Variants in CTNNA3 observed in about 807,000 individuals in gnomAD.
The protein encoded by CTNNA3 is catenin alpha-3.
Under a neutral mutation model 95.7 loss-of-function variants are expected in CTNNA3, and 76 were observed. The ratio of observed to expected loss-of-function variants is 0.79; its 90% CI spans 0.66 to 0.96. The LOEUF (loss-of-function observed/expected upper bound fraction) is 0.96, where lower values mean the gene tolerates loss of function less well. Among genes scored for constraint, CTNNA3 ranks in the 40% least tolerant of loss-of-function variants. The probability of loss-of-function intolerance (pLI) is 0.00; values close to 1 mark genes in which losing one functional copy is unlikely to be tolerated. For missense variants in CTNNA3, 1,191 were observed against 1,089.8 expected, an observed-to-expected ratio of 1.09 and a Z score of -1.31; for synonymous variants, 431 against 374.4, an observed-to-expected ratio of 1.15 and a Z score of -1.74.
chr10:66,493,943 T>C (rs1003648423), intron 11 of CTNNA3, among the ~76,000 whole-genome samples: 1 of 117,212 alleles, frequency 8.5e-6, no homozygotes, highest in Non-Finnish European at 1.7e-5. Context: ...AGTCTTGCTG[T>C]GTCACCCAGG....
At chr10:66,021,828 G>A (rs1387306303) in intron 15 of CTNNA3, among the ~76,000 whole-genome samples, 7 of 124,522 alleles carry the variant, frequency 5.6e-5, no homozygotes, top group Non-Finnish European at 1.2e-4. Context: ...GAATAATCTG[G>A]AAATTCCATA....
At chr10:66,543,056 C>T (rs185890362) in intron 10 of CTNNA3, among the ~76,000 whole-genome samples, 1 of 151,968 alleles carries the variant, frequency 6.6e-6, no homozygotes, top group Admixed American at 6.6e-5. Context: ...TAGTAAATTA[C>T]CAAAATGTAT....
intron 1 of CTNNA3, among the ~76,000 whole-genome samples, chr10:67,744,857 C>A (rs1315801542): frequency 6.6e-6 from 1 of 152,056 alleles, no homozygotes; most frequent in Non-Finnish European, 1.5e-5. Flanking sequence ...TGAACATGAA[C>A]AGACATTTCT....
intron 7 of CTNNA3, among the ~76,000 whole-genome samples, chr10:67,034,050 G>T (rs1730803530): frequency 6.6e-6 from 1 of 152,186 alleles, no homozygotes; most frequent in South Asian, 2.1e-4. Context: ...GAGACTACAG[G>T]CGTGAGCCAC....
chr10:66,559,701 C>G (rs904547854), intron 10 of CTNNA3, among the ~76,000 whole-genome samples: 1 of 151,972 alleles, frequency 6.6e-6, no homozygotes, highest in Non-Finnish European at 1.5e-5. Context: ...ATGTTCTTTC[C>G]TCATTTACTG....
At chr10:67,650,346 G>A (rs2133489933) in intron 1 of CTNNA3, among the ~76,000 whole-genome samples, 1 of 152,204 alleles carries the variant, frequency 6.6e-6, no homozygotes, top group African/African-American at 2.4e-5. Context: ...GCTTAATAAA[G>A]GGGAAAAAGT....
At chr10:67,652,608 C>T (rs1260357118) in intron 1 of CTNNA3, among the ~76,000 whole-genome samples, 1 of 152,168 alleles carries the variant, frequency 6.6e-6, no homozygotes, top group Non-Finnish European at 1.5e-5. Context: ...ATTTCCCTCC[C>T]AGAGGCAACT....
chr10:67,283,614 A>T (rs1348591963), intron 5 of CTNNA3, among the ~76,000 whole-genome samples: 1 of 152,128 alleles, frequency 6.6e-6, no homozygotes, highest in Non-Finnish European at 1.5e-5. Flanking sequence ...AATGTATAAA[A>T]TCCTAAGTCA....
chr10:67,551,075 A>T (rs1441161314), intron 3 of CTNNA3, among the ~76,000 whole-genome samples: 1 of 152,004 alleles, frequency 6.6e-6, no homozygotes, highest in African/African-American at 2.4e-5. Context: ...TTGCACCCAA[A>T]TGTTGCATTT....
intron 7 of CTNNA3, among the ~76,000 whole-genome samples, chr10:67,179,618 C>T (rs1156890158): frequency 6.6e-6 from 1 of 151,986 alleles, no homozygotes; most frequent in Non-Finnish European, 1.5e-5. Flanking sequence ...CACTTGAGCC[C>T]AGTAGTTTGA....
Position 66,240,487 on chromosome 10 carries a change from A to T in CTNNA3, c.1884+39983T>A, listed in dbSNP as rs1359262904. On this transcript the variant is annotated intron_variant, in intron 13 of 17. Transcript: ENST00000433211. ...ATACCTACAGATCCCTGTAAGAAAC[A>T]AATAGCCTACTGGGTTACCAGATGC... Among the ~76,000 whole-genome samples the T allele has an allele frequency of 3.3e-5, 5 of 152,120 alleles. No individual in the cohort carries two copies. The South Asian group carries it at 1.0e-3, about 31-fold the overall frequency.
intron 5 of CTNNA3, among the ~76,000 whole-genome samples, chr10:67,225,082 G>A (rs939811208): frequency 6.6e-6 from 1 of 152,132 alleles, no homozygotes; most frequent in Admixed American, 6.5e-5. Context: ...GGAGCTGGGT[G>A]AGGCCTGTGA....
intron 1 of CTNNA3, among the ~76,000 whole-genome samples, chr10:67,731,413 G>A (rs753946723): frequency 6.6e-5 from 10 of 152,094 alleles, no homozygotes; most frequent in Non-Finnish European, 1.0e-4. Context: ...CCTGGGAAGC[G>A]GAGGTTGCAG....
At chr10:67,526,203 C>T (rs1296751610) in intron 4 of CTNNA3, among the ~76,000 whole-genome samples, 1 of 152,122 alleles carries the variant, frequency 6.6e-6, no homozygotes, top group Non-Finnish European at 1.5e-5. Context: ...TAAAGTATTA[C>T]AGAGAAAGAA....
At chr10:67,142,761 G>A (rs539016396) in intron 7 of CTNNA3, among the ~76,000 whole-genome samples, 4 of 151,994 alleles carry the variant, frequency 2.6e-5, no homozygotes, top group Non-Finnish European at 4.4e-5. Context: ...GTGAAACCCC[G>A]CCTCTAGTAA....
At chr10:67,406,667 T>G (rs1050980316) in intron 5 of CTNNA3, among the ~76,000 whole-genome samples, 21 of 151,726 alleles carry the variant, frequency 1.4e-4, no homozygotes, top group African/African-American at 4.8e-4. Flanking sequence ...TAAAATAGAC[T>G]GCTAACTAGA....
At chr10:67,039,959 G>A (rs1854293266) in intron 7 of CTNNA3, among the ~76,000 whole-genome samples, 1 of 152,158 alleles carries the variant, frequency 6.6e-6, no homozygotes, top group African/African-American at 2.4e-5. Context: ...CATATTAGCT[G>A]TCTGGGGGTT....
chr10:66,967,571 G>A lies in CTNNA3; in HGVS notation c.1048-192047C>T, dbSNP rs547289179. ...CACCCTCTATACCTTTAAGCAGTATGCAAATGATACAACCATATGAGGCGG... is the reference window on the plus strand; with the variant it reads ...CACCCTCTATACCTTTAAGCAGTATACAAATGATACAACCATATGAGGCGG... On this transcript the variant is annotated intron_variant, in intron 7 of 17. Coordinates refer to ENST00000433211, the MANE Select transcript of CTNNA3 (RefSeq NM_013266.4). Among the ~76,000 whole-genome samples the A allele has an allele frequency of 4.6e-5, 7 of 152,020 alleles. No homozygotes were observed. The South Asian group carries it at 1.5e-3, about 32-fold the overall frequency.
chr10:67,390,982 T>C (rs1042282591), intron 5 of CTNNA3, among the ~76,000 whole-genome samples: 1 of 152,194 alleles, frequency 6.6e-6, no homozygotes, highest in Non-Finnish European at 1.5e-5. Flanking sequence ...AGCATTGCCT[T>C]TGAAAACTGG....
Sources: allele counts gnomAD v4.1 joint callset (sites outside exome capture counted in the v4.1 genomes callset), GRCh38; gene constraint gnomAD v4.1.1; transcripts MANE v1.5; gene names NCBI Gene and HGNC (gene_info 2026-07-23, HGNC 2026-07-21).